PLXNA4: variants seen among roughly 807,000 people sequenced by gnomAD.
PLXNA4 encodes plexin-A4.
Under a neutral mutation model 191.8 loss-of-function variants are expected in PLXNA4, and 44 were observed. The ratio of observed to expected loss-of-function variants is 0.23; its 90% CI spans 0.18 to 0.29. The LOEUF (loss-of-function observed/expected upper bound fraction) is 0.29, where lower values mean the gene tolerates loss of function less well. Ranked by LOEUF, PLXNA4 falls within the 10% of genes least tolerant of loss-of-function variation. The pLI is 1.00. For missense variants in PLXNA4, 1,800 were observed against 2,488.8 expected (o/e 0.72, Z 5.89); for synonymous variants, 1,082 against 1,009.5 (o/e 1.07, Z -1.36).
chr7:132,354,260 G>A (rs563209684), intron 3 of PLXNA4, among the ~76,000 whole-genome samples: 15 of 152,236 alleles, frequency 9.9e-5, no homozygotes, highest in South Asian at 4.2e-4. Context: ...AGGAATGAGC[G>A]CAAATCCACA....
At chr7:132,253,912 A>G (rs927673713) in intron 4 of PLXNA4, among the ~76,000 whole-genome samples, 1 of 152,190 alleles carries the variant, frequency 6.6e-6, no homozygotes, top group African/African-American at 2.4e-5. Context: ...TGTGTGCATC[A>G]GTTTAGTTTC....
chr7:132,498,864 AT>A (rs1005112759), intron 2 of PLXNA4, among the ~76,000 whole-genome samples: 1 of 152,224 alleles, frequency 6.6e-6, no homozygotes, highest in African/African-American at 2.4e-5. Context: ...AAATGAATGC[AT>A]TTAACTACCT....
chr7:132,346,025 G>C (rs912196738), intron 3 of PLXNA4, among the ~76,000 whole-genome samples: 5 of 152,152 alleles, frequency 3.3e-5, no homozygotes, highest in Non-Finnish European at 7.4e-5. Context: ...GGTACAGCAG[G>C]CTGTTTGTTG....
At chr7:132,427,573 G>A (rs1335174894) in intron 3 of PLXNA4, among the ~76,000 whole-genome samples, 1 of 152,342 alleles carries the variant, frequency 6.6e-6, no homozygotes, top group African/African-American at 2.4e-5. Flanking sequence ...CTCTAAGCGA[G>A]TAGTACAGCT....
At chr7:132,203,261 T>TC in intron 11 of PLXNA4, 62 bp downstream of exon 11, 13 of 1,478,752 alleles carry the variant, frequency 8.8e-6, no homozygotes, top group Non-Finnish European at 1.1e-5. Context: ...GCAGGACGGC[T>TC]CCTTCCCTCT....
chr7:132,303,121 C>T (rs1241647499), intron 3 of PLXNA4, among the ~76,000 whole-genome samples: 1 of 151,906 alleles, frequency 6.6e-6, no homozygotes. Flanking sequence ...GATCTGCCCG[C>T]CTCGGCCTCC....
intron 25 of PLXNA4, among the ~76,000 whole-genome samples, chr7:132,153,334 G>A (rs1232386152): frequency 6.6e-6 from 1 of 152,152 alleles, no homozygotes; most frequent in African/African-American, 2.4e-5. Context: ...CCATGCCAAG[G>A]TGTCTGGAGC....
intron 25 of PLXNA4, among the ~76,000 whole-genome samples, chr7:132,155,236 G>A (rs978154147): frequency 4.6e-5 from 7 of 152,152 alleles, no homozygotes; most frequent in South Asian, 2.1e-4. Context: ...AGGAGACTGC[G>A]TGTGAACGGA....
chr7:132,427,277 TGA>T (rs1215081758), intron 3 of PLXNA4, among the ~76,000 whole-genome samples: 2 of 152,216 alleles, frequency 1.3e-5, no homozygotes, highest in African/African-American at 4.8e-5. Context: ...GGAGGTTGAC[TGA>T]GGGCAGGATT....
At chr7:132,404,972 A>C (rs975676870) in intron 3 of PLXNA4, among the ~76,000 whole-genome samples, 3 of 152,048 alleles carry the variant, frequency 2.0e-5, no homozygotes, top group African/African-American at 7.3e-5. Flanking sequence ...CTTGTTGTGA[A>C]GGATCTGAGT....
intron 3 of PLXNA4, among the ~76,000 whole-genome samples, chr7:132,487,915 A>G (rs563687855): frequency 6.6e-6 from 1 of 152,374 alleles, no homozygotes; most frequent in Non-Finnish European, 1.5e-5. Flanking sequence ...GAGGTATGAA[A>G]TACAATTCTT....
At chr7:132,185,217 C>T (rs1192894376) in intron 16 of PLXNA4, 82 bp downstream of exon 16, 5 of 1,514,364 alleles carry the variant, frequency 3.3e-6, no homozygotes, top group Non-Finnish European at 3.5e-6. Context: ...ACTGGGCCCC[C>T]AGAACTCTCC....
chr7:132,172,739 T>G (rs13235860), intron 21 of PLXNA4, among the ~76,000 whole-genome samples: 3,695 of 143,720 alleles, frequency 0.026, 66 homozygotes, highest in Non-Finnish European at 0.04. Flanking sequence ...ATTGTGCACA[T>G]GTACCCTAAA....
intron 3 of PLXNA4, among the ~76,000 whole-genome samples, chr7:132,463,170 A>G (rs1796581652): frequency 6.6e-6 from 1 of 152,158 alleles, no homozygotes; most frequent in African/African-American, 2.4e-5. Context: ...TCTTAAAAAC[A>G]ATCAACATTA....
intron 30 of PLXNA4, among the ~76,000 whole-genome samples, chr7:132,138,767 CCTCATTGAG>C (rs1171185897): frequency 1.3e-5 from 2 of 152,202 alleles, no homozygotes; most frequent in African/African-American, 2.4e-5. Flanking sequence ...ATGGCACAAA[CCTCATTGAG>C]CACCAAGCAG....
intron 1 of PLXNA4, among the ~76,000 whole-genome samples, chr7:132,573,598 G>A (rs898431844): frequency 4.6e-5 from 7 of 152,106 alleles, no homozygotes; most frequent in South Asian, 2.1e-4. Flanking sequence ...AGACTCTGCC[G>A]TGCAGATTTC....
intron 3 of PLXNA4, among the ~76,000 whole-genome samples, chr7:132,438,747 A>G (rs971869933): frequency 3.9e-5 from 6 of 152,148 alleles, no homozygotes; most frequent in Non-Finnish European, 8.8e-5. Flanking sequence ...AGCTCTGTGG[A>G]GTTTTAGATG....
intron 4 of PLXNA4, among the ~76,000 whole-genome samples, chr7:132,283,680 G>C (rs886647604): frequency 6.6e-6 from 1 of 152,180 alleles, no homozygotes; most frequent in African/African-American, 2.4e-5. Flanking sequence ...CAGGAGAGCT[G>C]GGAAAAGATA....
intron 3 of PLXNA4, among the ~76,000 whole-genome samples, chr7:132,304,036 G>A (rs142915360): frequency 3.9e-5 from 6 of 152,288 alleles, no homozygotes; most frequent in South Asian, 2.1e-4. Context: ...AGCAGGTAAC[G>A]TCAGATTTAC....
Sources: gnomAD v4.1 joint callset for allele counts (sites outside exome capture counted in the v4.1 genomes callset) on GRCh38, gnomAD v4.1.1 for gene constraint, MANE v1.5 for transcripts, NCBI Gene and HGNC (gene_info 2026-07-23, HGNC 2026-07-21) for gene names.